PDZRN3: variants seen among roughly 807,000 people sequenced by gnomAD.
The protein encoded by PDZRN3 is PDZ domain containing ring finger 3.
PDZRN3 carries 38 observed loss-of-function variants against 85.7 expected under a neutral mutation model. The ratio of observed to expected loss-of-function variants is 0.44; its 90% CI spans 0.34 to 0.58. The LOEUF is 0.58. PDZRN3 is among the 20% of genes least tolerant of loss of function. PDZRN3 has a pLI of 0.01. For missense variants in PDZRN3, 1,629 were observed against 1,506.4 expected (o/e 1.08, Z -1.35); for synonymous variants, 759 against 638.0 (o/e 1.19, Z -2.86).
chr3:73,604,782 T>G (rs181125514), intron 2 of PDZRN3, among the ~76,000 whole-genome samples: 1 of 152,230 alleles, frequency 6.6e-6, no homozygotes, highest in African/African-American at 2.4e-5. Context: ...TCGTTTGTTT[T>G]GCAAAATACC....
chr3:73,534,747 C>G (rs1427597309), intron 3 of PDZRN3, among the ~76,000 whole-genome samples: 1 of 152,182 alleles, frequency 6.6e-6, no homozygotes, highest in African/African-American at 2.4e-5. Context: ...TAGATAATAT[C>G]TTTTGACACT....
chr3:73,515,008 C>T (rs184453155), intron 3 of PDZRN3, among the ~76,000 whole-genome samples: 4 of 151,988 alleles, frequency 2.6e-5, no homozygotes, highest in African/African-American at 9.7e-5. Context: ...AAACAAAATC[C>T]CCCTATACTG....
chr3:73,393,326 G>T (rs1701566597), intron 5 of PDZRN3, among the ~76,000 whole-genome samples: 2 of 152,176 alleles, frequency 1.3e-5, no homozygotes, highest in Admixed American at 1.3e-4. Context: ...AGATTCTACA[G>T]TTCTACTGGA....
chr3:73,414,029 T>C (rs1261823889), intron 3 of PDZRN3, among the ~76,000 whole-genome samples: 1 of 152,184 alleles, frequency 6.6e-6, no homozygotes, highest in Admixed American at 6.5e-5. Context: ...TCAATGTGTT[T>C]GCCCTACAAA....
intron 3 of PDZRN3, among the ~76,000 whole-genome samples, chr3:73,473,662 T>C (rs56005012): frequency 0.023 from 3,513 of 152,320 alleles, 58 homozygotes; most frequent in Non-Finnish European, 0.037. Flanking sequence ...ACTCTTTTCC[T>C]TATATGATAT....
intron 3 of PDZRN3, among the ~76,000 whole-genome samples, chr3:73,427,145 C>G (rs1702332520): frequency 6.6e-6 from 1 of 152,202 alleles, no homozygotes; most frequent in African/African-American, 2.4e-5. Context: ...ACTCAAAATG[C>G]CCTTGATGAA....
At chr3:73,505,258 A>G (rs916456199) in intron 3 of PDZRN3, among the ~76,000 whole-genome samples, 34 of 152,180 alleles carry the variant, frequency 2.2e-4, no homozygotes, top group African/African-American at 8.0e-4. Context: ...ATATGAAATT[A>G]CCCTCTGATT....
chr3:73,458,464 T>A (rs1703032728), intron 3 of PDZRN3, among the ~76,000 whole-genome samples: 1 of 150,944 alleles, frequency 6.6e-6, no homozygotes. Flanking sequence ...TTTAAATAGG[T>A]TTTTTTCCCA....
At chr3:73,517,489 C>T (rs1307327294) in intron 3 of PDZRN3, among the ~76,000 whole-genome samples, 1 of 152,154 alleles carries the variant, frequency 6.6e-6, no homozygotes, top group African/African-American at 2.4e-5. Flanking sequence ...CAAAAGCCCT[C>T]AAAGTTAACG....
intron 5 of PDZRN3, 105 bp downstream of exon 5, chr3:73,400,817 C>T: frequency 2.4e-6 from 2 of 817,006 alleles, no homozygotes; most frequent in South Asian, 2.9e-5. Flanking sequence ...GCTTTTGTTA[C>T]TTTCCATCGG....
chr3:73,569,505 G>T (rs145181264), intron 3 of PDZRN3: 13,097 of 1,062,676 alleles, frequency 0.012, 107 homozygotes, highest in Non-Finnish European at 0.014. Context: ...CCTCTTCTCT[G>T]CAATGAGATC....
At chr3:73,596,460 T>C (rs1702431604) in intron 3 of PDZRN3, among the ~76,000 whole-genome samples, 1 of 152,190 alleles carries the variant, frequency 6.6e-6, no homozygotes, top group Non-Finnish European at 1.5e-5. Flanking sequence ...CTATTGATTA[T>C]AAAGAAGAAA....
At chr3:73,386,593 A>AT (rs1397856294) in intron 8 of PDZRN3, among the ~76,000 whole-genome samples, 4 of 152,214 alleles carry the variant, frequency 2.6e-5, no homozygotes, top group Non-Finnish European at 5.9e-5. Context: ...CCAGCCTGGT[A>AT]TTTTTATAAA....
intron 3 of PDZRN3, among the ~76,000 whole-genome samples, chr3:73,418,953 T>C (rs1702145244): frequency 6.6e-6 from 1 of 152,210 alleles, no homozygotes; most frequent in Admixed American, 6.5e-5. Flanking sequence ...TTCTTTGTTG[T>C]CGAATTGTTA....
chr3:73,584,491 G>A (rs1256355606), intron 3 of PDZRN3, among the ~76,000 whole-genome samples: 1 of 18,372 alleles, frequency 5.4e-5, no homozygotes, highest in African/African-American at 1.0e-4. Flanking sequence ...GTGTGTGTGT[G>A]TGTGTGTGTA....
chr3:73,462,615 A>G (rs1377110875), intron 3 of PDZRN3, among the ~76,000 whole-genome samples: 1 of 151,908 alleles, frequency 6.6e-6, no homozygotes, highest in Admixed American at 6.6e-5. Context: ...AGAAAGCAGC[A>G]AGAGGTAAGC....
chr3:73,523,014 G>T (rs115183454), intron 3 of PDZRN3, among the ~76,000 whole-genome samples: 4,320 of 146,346 alleles, frequency 0.03, 141 homozygotes, highest in African/African-American at 0.086. Context: ...AGTTTTTTTT[G>T]TTTGTTTGTT....
In PDZRN3 at chr3:73,386,226, C is replaced by CTTTTTTTTTTTTTTTTTT. The variant is rs71126867; in HGVS notation, c.1519-459_1519-442dup. Among the ~76,000 whole-genome samples the CTTTTTTTTTTTTTTTTTT allele has an allele frequency of 3.3e-4, 30 of 90,706 alleles. 3 individuals are homozygous for CTTTTTTTTTTTTTTTTTT. Among genetic ancestry groups the CTTTTTTTTTTTTTTTTTT allele is most frequent in the East Asian group, 8.4e-4 (2 of 2,370 alleles). The allele number at this position is 90,706 out of a possible 152,430, so 59.5% of individuals were successfully genotyped here. ...GCTGTTTGGCTTGGGCAAGATATCA[C>CTTTTTTTTTTTTTTTTTT]TTTTTTTTTTTTTTTTTTTGAGACA... is the stretch of plus-strand genomic sequence containing the variant. On this transcript the variant is annotated intron_variant, in intron 8 of 9. Coordinates refer to ENST00000263666, the MANE Select transcript of PDZRN3 (RefSeq NM_015009.3).
At chr3:73,410,657 G>A (rs988073929) in intron 3 of PDZRN3, among the ~76,000 whole-genome samples, 2 of 152,096 alleles carry the variant, frequency 1.3e-5, no homozygotes, top group African/African-American at 4.8e-5. Flanking sequence ...ATTCTTTACT[G>A]TTTTCCTAAA....
Sources: allele counts gnomAD v4.1 joint callset (sites outside exome capture counted in the v4.1 genomes callset), GRCh38; gene constraint gnomAD v4.1.1; transcripts MANE v1.5; gene names NCBI Gene and HGNC (gene_info 2026-07-23, HGNC 2026-07-21).